Variants in ATP2B2 observed in about 807,000 individuals in gnomAD.
ATP2B2 encodes the protein ATPase plasma membrane Ca2+ transporting 2, also known as plasma membrane calcium-transporting ATPase 2.
A neutral mutation model predicts 120.0 loss-of-function variants in ATP2B2; 15 were observed. The ratio of observed to expected loss-of-function variants is 0.12; its 90% confidence interval spans 0.08 to 0.19. The LOEUF (loss-of-function observed/expected upper bound fraction) is 0.19, where lower values mean the gene tolerates loss of function less well. Among genes scored for constraint, ATP2B2 ranks in the 10% least tolerant of loss-of-function variants. The probability of loss-of-function intolerance (pLI) is 1.00; values close to 1 mark genes in which losing one functional copy is unlikely to be tolerated. For missense variants in ATP2B2, 1,045 were observed against 1,719.8 expected (o/e 0.61, Z 6.94); for synonymous variants, 694 against 700.3 (o/e 0.99, Z 0.14).
rs180821559 is a variant in ATP2B2, at chr3:10,408,973, C to T, written c.397+1645G>A. Among the ~76,000 whole-genome samples, 208 of 152,198 alleles carry T rather than the reference C, an allele frequency of 1.4e-3. 1 individual carries two copies. Among genetic ancestry groups the T allele is most frequent in the Non-Finnish European group, 2.8e-4 (19 of 68,008 alleles). The stretch of plus-strand genomic sequence containing the variant: ...TTTCTAGCTGTGTGCCCTTAGCAAG[C>T]GATTTGCTGTCTCAGGGCCTTGGTT... On this transcript the variant is annotated intron_variant, in intron 3 of 22. Coordinates refer to ENST00000360273, the MANE Select transcript of ATP2B2 (RefSeq NM_001001331.4).
chr3:10,672,220 G>C (rs6442198), intron 1 of ATP2B2, among the ~76,000 whole-genome samples: 132,282 of 152,226 alleles, frequency 0.87, 57,789 homozygotes, highest in African/African-American at 0.97. Context: ...ACACAAGTCA[G>C]TACAGCTTTC....
At chr3:10,658,258 G>A (rs1261108014) in intron 1 of ATP2B2, among the ~76,000 whole-genome samples, 1 of 152,256 alleles carries the variant, frequency 6.6e-6, no homozygotes, top group Admixed American at 6.5e-5. Flanking sequence ...TGACTTTGAC[G>A]AGTTGAGAGA....
At chr3:10,648,640 C>T (rs1467381525) in intron 1 of ATP2B2, among the ~76,000 whole-genome samples, 1 of 152,208 alleles carries the variant, frequency 6.6e-6, no homozygotes, top group Non-Finnish European at 1.5e-5. Context: ...TCCCCCAAAC[C>T]TGGTCCTGGG....
At chr3:10,484,383 G>A (rs1343174631) in intron 1 of ATP2B2, among the ~76,000 whole-genome samples, 1 of 152,090 alleles carries the variant, frequency 6.6e-6, no homozygotes, top group Non-Finnish European at 1.5e-5. Context: ...ATTCTAGAAG[G>A]GACAGGCTGA....
chr3:10,546,010 A>T (rs1192856466), intron 2 of ATP2B2, among the ~76,000 whole-genome samples: 4 of 152,240 alleles, frequency 2.6e-5, no homozygotes, highest in Non-Finnish European at 5.9e-5. Flanking sequence ...GGAAAGATAC[A>T]GTATTCCCCA....
At chr3:10,463,831 C>T (rs1385967462) in intron 1 of ATP2B2, among the ~76,000 whole-genome samples, 1 of 152,254 alleles carries the variant, frequency 6.6e-6, no homozygotes, top group Admixed American at 6.5e-5. Flanking sequence ...ATTCTCCATT[C>T]GTCCCTGAAA....
chr3:10,422,028 C>T (rs75689083), intron 2 of ATP2B2, among the ~76,000 whole-genome samples: 1,726 of 152,268 alleles, frequency 0.011, 38 homozygotes, highest in African/African-American at 0.04. Flanking sequence ...TGGGTTTTGG[C>T]CCTGGGGGTC....
At chr3:10,364,962 C>A (rs759697018) in intron 12 of ATP2B2, among the ~76,000 whole-genome samples, 17 of 152,216 alleles carry the variant, frequency 1.1e-4, no homozygotes, top group Non-Finnish European at 2.1e-4. Context: ...TCCCCAAATG[C>A]CTTCTCTGCG....
intron 1 of ATP2B2, among the ~76,000 whole-genome samples, chr3:10,454,669 T>C (rs2064188766): frequency 6.6e-6 from 1 of 152,186 alleles, no homozygotes; most frequent in South Asian, 2.1e-4. Context: ...AAATGTGAAG[T>C]CCACCAGCAC....
In ATP2B2 at chr3:10,701,283, C is replaced by T. The variant is rs143565499; in HGVS notation, c.-460+6632G>A. On this transcript the variant is annotated intron_variant, in intron 1 of 21. Transcript: ENST00000646379. Reference sequence around the variant, plus strand: ...ATATACGAAGCCTCTTATATCCCACCTATATGCTGCACCCTCCTTATACCC... The same window carrying T: ...ATATACGAAGCCTCTTATATCCCACTTATATGCTGCACCCTCCTTATACCC... 6.6e-5 allele frequency among the ~76,000 whole-genome samples: 10 copies of T among 152,326 alleles called. No individual in the cohort carries two copies. The East Asian group carries it at 1.7e-3, about 26-fold the overall frequency.
At chr3:10,426,284 G>T (rs1176142810) in intron 2 of ATP2B2, among the ~76,000 whole-genome samples, 1 of 152,006 alleles carries the variant, frequency 6.6e-6, no homozygotes, top group African/African-American at 2.4e-5. Context: ...TTTTCTTAAT[G>T]CTTCATTCCC....
chr3:10,703,505 G>A (rs967958688), intron 1 of ATP2B2, among the ~76,000 whole-genome samples: 6 of 152,104 alleles, frequency 3.9e-5, no homozygotes, highest in Non-Finnish European at 8.8e-5. Flanking sequence ...ATTGTTGGAG[G>A]AGTGTGGAAG....
intron 1 of ATP2B2, among the ~76,000 whole-genome samples, chr3:10,663,716 T>C (rs893085061): frequency 2.0e-5 from 3 of 152,008 alleles, no homozygotes; most frequent in Non-Finnish European, 4.4e-5. Context: ...GACAGCGGCA[T>C]AGAGGGGGTC....
chr3:10,593,457 A>G (rs1313711437), intron 2 of ATP2B2, among the ~76,000 whole-genome samples: 3 of 152,214 alleles, frequency 2.0e-5, no homozygotes, highest in African/African-American at 7.2e-5. Flanking sequence ...GTGCAGAAAC[A>G]TGTCTATTTG....
At chr3:10,386,845 G>T (rs773467253) in intron 6 of ATP2B2, among the ~76,000 whole-genome samples, 1 of 152,214 alleles carries the variant, frequency 6.6e-6, no homozygotes, top group Non-Finnish European at 1.5e-5. Flanking sequence ...TCTCACAGGA[G>T]TGCAGGTGCA....
At chr3:10,704,005 C>T (rs1161408143) in intron 1 of ATP2B2, among the ~76,000 whole-genome samples, 1 of 152,182 alleles carries the variant, frequency 6.6e-6, no homozygotes, top group Non-Finnish European at 1.5e-5. Flanking sequence ...CCCTGCCTCA[C>T]CCATCCCTCC....
At chr3:10,418,679 C>T (rs2062871252) in intron 2 of ATP2B2, among the ~76,000 whole-genome samples, 1 of 152,214 alleles carries the variant, frequency 6.6e-6, no homozygotes, top group South Asian at 2.1e-4. Flanking sequence ...CACTAACTGC[C>T]CTCTGAGGCT....
At chr3:10,460,138 G>T (rs1233662123) in intron 1 of ATP2B2, among the ~76,000 whole-genome samples, 1 of 152,218 alleles carries the variant, frequency 6.6e-6, no homozygotes, top group Non-Finnish European at 1.5e-5. Flanking sequence ...ATGGATGGAC[G>T]GAGGTCAGTG....
In ATP2B2 at chr3:10,382,545, C is replaced by G. The variant is rs531391920; in HGVS notation, c.1000+2723G>C. The stretch of plus-strand genomic sequence containing the variant: ...TTTTTTTTTGTATTTTTAGTAGAGA[C>G]AGAGTTTCACCATGTTGCCCAGGCT... On this transcript the variant is annotated intron_variant, in intron 8 of 22. Coordinates refer to ENST00000360273, the MANE Select transcript of ATP2B2 (RefSeq NM_001001331.4). Among the ~76,000 whole-genome samples, 4 of 146,596 alleles carry G rather than the reference C, an allele frequency of 2.7e-5. 1 individual carries two copies. In the South Asian group the frequency reaches 8.7e-4, roughly 32 times the overall value.
Sources: allele counts gnomAD v4.1 joint callset (sites outside exome capture counted in the v4.1 genomes callset), GRCh38; gene constraint gnomAD v4.1.1; transcripts MANE v1.5; gene names NCBI Gene and HGNC (gene_info 2026-07-23, HGNC 2026-07-21).